Variants in LARGE1 observed in about 807,000 individuals in gnomAD.
LARGE1 encodes the protein xylosyl- and glucuronyltransferase LARGE1.
A neutral mutation model predicts 87.6 loss-of-function variants in LARGE1; 43 were observed. The observed-to-expected ratio is 0.49, with a 90% confidence interval of 0.38 to 0.63. The LOEUF is 0.63. Among genes scored for constraint, LARGE1 ranks in the 30% least tolerant of loss-of-function variants. LARGE1 has a pLI of 0.00. For missense variants in LARGE1, 802 were observed against 1,000.2 expected (o/e 0.80, Z 2.67); for synonymous variants, 434 against 394.6 (o/e 1.10, Z -1.18).
At chr22:33,729,453 G>A (rs2083383943) in intron 2 of LARGE1, among the ~76,000 whole-genome samples, 1 of 152,208 alleles carries the variant, frequency 6.6e-6, no homozygotes. Context: ...CATTCCAGAA[G>A]ATGAGGAATC....
chr22:33,643,435 C>A (rs918484885), intron 3 of LARGE1, among the ~76,000 whole-genome samples: 1 of 152,104 alleles, frequency 6.6e-6, no homozygotes, highest in East Asian at 1.9e-4. Context: ...ATGCCCACAA[C>A]AGAAAGCAGG....
At chr22:33,091,207 T>C in the LARGE1 span, among the ~76,000 whole-genome samples, 2 of 152,170 alleles carry the variant, frequency 1.3e-5, no homozygotes, top group Admixed American at 6.5e-5. Flanking sequence ...TGCAGGTCTA[T>C]ATATTTGATG....
intron 9 of LARGE1, among the ~76,000 whole-genome samples, chr22:33,365,299 A>G (rs566522985): frequency 2.6e-5 from 4 of 152,284 alleles, no homozygotes; most frequent in African/African-American, 9.6e-5. Flanking sequence ...ATATAGTGCC[A>G]AAGTGTTTTC....
chr22:33,223,535 A>G (rs1435426024), intron 11 of LARGE1, among the ~76,000 whole-genome samples: 1 of 152,158 alleles, frequency 6.6e-6, no homozygotes, highest in African/African-American at 2.4e-5. Flanking sequence ...GACGCCCTCC[A>G]GTGTTGTGTG....
chr22:33,303,931 G>A (rs1386718770), intron 12 of LARGE1, among the ~76,000 whole-genome samples: 1 of 152,130 alleles, frequency 6.6e-6, no homozygotes, highest in Admixed American at 6.5e-5. Flanking sequence ...GCCTGAGGAG[G>A]GTATGTTTTC....
rs58105742 is a variant in LARGE1 at position 33,871,982 on chromosome 22, C to CAAAA, written c.-83+48009_-83+48012dup. Among the ~76,000 whole-genome samples, 34 of 86,788 alleles carry CAAAA rather than the reference C, an allele frequency of 3.9e-4. 2 individuals carry two copies. The highest frequency in any genetic ancestry group is 9.4e-4 in the African/African-American group (24 of 25,452). 56.9% of individuals were successfully genotyped at this position (86,788 alleles called of 152,430 possible). ...GAAGTCAAGTCTATTTCTAAATCAG[C>CAAAA]AAAAAAAAAAAAAAAAGAAAAGAAA... is the stretch of plus-strand genomic sequence containing the variant. On this transcript the variant is annotated intron_variant, in intron 1 of 14. Transcript: ENST00000397394.
chr22:33,812,201 G>A (rs578195027), intron 1 of LARGE1, among the ~76,000 whole-genome samples: 2 of 152,298 alleles, frequency 1.3e-5, no homozygotes, highest in Admixed American at 6.5e-5. Flanking sequence ...GGTTCCAGGA[G>A]CACATGCCCC....
At chr22:33,553,586 T>C (rs2077591653) in intron 6 of LARGE1, among the ~76,000 whole-genome samples, 1 of 152,114 alleles carries the variant, frequency 6.6e-6, no homozygotes, top group Non-Finnish European at 1.5e-5. Flanking sequence ...GTCAAGAGCT[T>C]ACTGTGTCAG....
intron 2 of LARGE1, among the ~76,000 whole-genome samples, chr22:33,749,531 T>C (rs1474211610): frequency 6.6e-6 from 1 of 152,248 alleles, no homozygotes; most frequent in Non-Finnish European, 1.5e-5. Context: ...CACTTGTCCT[T>C]GGGGGCTATG....
At chr22:33,316,823 G>T (rs990250670) in intron 10 of LARGE1, among the ~76,000 whole-genome samples, 8 of 152,184 alleles carry the variant, frequency 5.3e-5, no homozygotes, top group African/African-American at 1.7e-4. Context: ...TAAGAACAAA[G>T]GTGGTGCTCA....
At chr22:33,774,470 A>C (rs1163393319) in intron 1 of LARGE1, among the ~76,000 whole-genome samples, 2 of 151,758 alleles carry the variant, frequency 1.3e-5, no homozygotes, top group Non-Finnish European at 2.9e-5. Flanking sequence ...AATTCTCCTG[A>C]CTCAGCCTCC....
chr22:33,404,335 T>C (rs1280000916), intron 7 of LARGE1, among the ~76,000 whole-genome samples: 1 of 152,222 alleles, frequency 6.6e-6, no homozygotes, highest in Non-Finnish European at 1.5e-5. Context: ...AAGGAGTGCC[T>C]GCCTCCTAGG....
At chr22:33,683,767 G>A (rs2149311884) in intron 2 of LARGE1, among the ~76,000 whole-genome samples, 1 of 152,006 alleles carries the variant, frequency 6.6e-6, no homozygotes, top group South Asian at 2.1e-4. Context: ...TCTGAACTCT[G>A]CCAGTCAGGG....
At chr22:33,391,235 C>T (rs2065510871) in intron 7 of LARGE1, among the ~76,000 whole-genome samples, 1 of 152,084 alleles carries the variant, frequency 6.6e-6, no homozygotes, top group African/African-American at 2.4e-5. Flanking sequence ...ATTTGAGCAC[C>T]TGCTTTGGTT....
chr22:33,299,672 G>T (rs543689085), intron 12 of LARGE1, among the ~76,000 whole-genome samples: 1 of 152,266 alleles, frequency 6.6e-6, no homozygotes, highest in East Asian at 1.9e-4. Flanking sequence ...CCCCACAGGA[G>T]GCTATCATTA....
chr22:33,887,015 G>A (rs910915606), intron 1 of LARGE1, among the ~76,000 whole-genome samples: 13 of 152,168 alleles, frequency 8.5e-5, no homozygotes, highest in Non-Finnish European at 1.6e-4. Context: ...GTGATGGTAG[G>A]GTGAAAAAGC....
intron 6 of LARGE1, among the ~76,000 whole-genome samples, chr22:33,556,745 C>T (rs961756462): frequency 7.3e-5 from 11 of 151,338 alleles, no homozygotes; most frequent in Non-Finnish European, 1.5e-4. Context: ...CAGTGGCTCA[C>T]GCCTGTAATC....
downstream of LARGE1, among the ~76,000 whole-genome samples, chr22:33,270,255 T>C (rs1188453476): frequency 2.0e-5 from 3 of 152,164 alleles, no homozygotes; most frequent in Non-Finnish European, 4.4e-5. Flanking sequence ...ATATGGCAGA[T>C]AAGTGACATT....
chr22:33,408,618 G>A (rs2066187823), intron 7 of LARGE1, among the ~76,000 whole-genome samples: 1 of 151,368 alleles, frequency 6.6e-6, no homozygotes, highest in African/African-American at 2.4e-5. Flanking sequence ...CTGTGGCTGT[G>A]AGCCCACAAA....
Sources: allele counts gnomAD v4.1 joint callset (sites outside exome capture counted in the v4.1 genomes callset), GRCh38; gene constraint gnomAD v4.1.1; transcripts MANE v1.5; gene names NCBI Gene and HGNC (gene_info 2026-07-23, HGNC 2026-07-21).